The following DENND2B variants were observed in gnomAD, a reference collection of about 807,000 sequenced individuals.
DENND2B encodes the protein DENN domain containing 2B, also known as DENN domain-containing protein 2B.
DENND2B carries 32 observed loss-of-function variants against 116.0 expected under a neutral mutation model. That is an observed-to-expected ratio of 0.28 (90% CI 0.21 to 0.37). The LOEUF is 0.37. Among genes scored for constraint, DENND2B ranks in the 10% least tolerant of loss-of-function variants. DENND2B has a pLI of 1.00. For missense variants in DENND2B, 1,276 were observed against 1,477.7 expected (o/e 0.86, Z 2.24); for synonymous variants, 588 against 583.9 (o/e 1.01, Z -0.10).
chr11:8,896,131 A>C (rs1459297831), intron 1 of DENND2B, among the ~76,000 whole-genome samples: 1 of 152,120 alleles, frequency 6.6e-6, no homozygotes, highest in Non-Finnish European at 1.5e-5. Flanking sequence ...GGAGATATAA[A>C]ATTTTCTCTA....
chr11:8,817,113 G>A (rs4929918), intron 4 of DENND2B, among the ~76,000 whole-genome samples: 102,961 of 152,048 alleles, frequency 0.68, 36,868 homozygotes, highest in Admixed American at 0.8. Flanking sequence ...AAATGGCCTG[G>A]AAGAGGACTA....
intron 1 of DENND2B, among the ~76,000 whole-genome samples, chr11:8,777,552 A>G (rs938906703): frequency 2.6e-5 from 4 of 152,192 alleles, no homozygotes; most frequent in African/African-American, 9.6e-5. Context: ...AGTAAGATGG[A>G]AAAGAGAGAC....
chr11:8,746,071 T>G (rs766945558), intron 2 of DENND2B, among the ~76,000 whole-genome samples: 1 of 151,620 alleles, frequency 6.6e-6, no homozygotes, highest in African/African-American at 2.4e-5. Flanking sequence ...CATGGTTGGA[T>G]TCTAGGAAGC....
intron 1 of DENND2B, among the ~76,000 whole-genome samples, chr11:8,752,210 T>C (rs1223389411): frequency 1.3e-5 from 2 of 152,190 alleles, no homozygotes; most frequent in Admixed American, 6.5e-5. Flanking sequence ...CCCAGCACTT[T>C]GGGAGGCCAA....
chr11:8,850,435 A>G (rs533895414), intron 3 of DENND2B, among the ~76,000 whole-genome samples: 48 of 152,324 alleles, frequency 3.2e-4, no homozygotes, highest in African/African-American at 1.1e-3. Flanking sequence ...CAACAGGTAT[A>G]TGAAAAAATG....
intron 1 of DENND2B, among the ~76,000 whole-genome samples, chr11:8,894,629 C>G (rs547714427): frequency 6.6e-6 from 1 of 152,238 alleles, no homozygotes; most frequent in East Asian, 1.9e-4. Flanking sequence ...ATTTATGCAG[C>G]CAACAGACAC....
At chr11:8,700,382 G>A (rs1167833675) in intron 14 of DENND2B, among the ~76,000 whole-genome samples, 2 of 152,180 alleles carry the variant, frequency 1.3e-5, no homozygotes, top group Non-Finnish European at 2.9e-5. Context: ...ACAAGTGAGG[G>A]GCAGTTTTCC....
At chr11:8,849,518 CAGAA>C (rs1415066728) in intron 3 of DENND2B, among the ~76,000 whole-genome samples, 2 of 132,354 alleles carry the variant, frequency 1.5e-5, no homozygotes, top group East Asian at 2.3e-4. Flanking sequence ...AAAAAACAGA[CAGAA>C]AGACTGAAGA....
At chr11:8,771,343 T>C (rs753123182) in intron 1 of DENND2B, among the ~76,000 whole-genome samples, 4 of 151,990 alleles carry the variant, frequency 2.6e-5, no homozygotes, top group African/African-American at 4.8e-5. Context: ...CAGAATCATA[T>C]AGAGTATGGG....
intron 1 of DENND2B, chr11:8,776,183 C>T (rs1265579507): frequency 4.4e-6 from 2 of 451,232 alleles, no homozygotes; most frequent in Admixed American, 4.8e-5. Flanking sequence ...CACACACACA[C>T]ACACCTACCT....
At chr11:8,852,062 A>G (rs1425478480) in intron 3 of DENND2B, among the ~76,000 whole-genome samples, 1 of 152,236 alleles carries the variant, frequency 6.6e-6, no homozygotes, top group Non-Finnish European at 1.5e-5. Flanking sequence ...TGGAGAGCAG[A>G]GAAGGCCTTG....
At chr11:8,771,347 G>C (rs1402826144) in intron 1 of DENND2B, among the ~76,000 whole-genome samples, 1 of 152,098 alleles carries the variant, frequency 6.6e-6, no homozygotes, top group Non-Finnish European at 1.5e-5. Flanking sequence ...ATCATATAGA[G>C]TATGGGGTAT....
At position 8,702,940 on chromosome 11, in the gene DENND2B, G is replaced by A. The variant is rs1379408001; in HGVS notation, c.2572-220C>T. 2 of 575,964 alleles carry A rather than the reference G, an allele frequency of 3.5e-6. No individual in the cohort carries two copies. The highest frequency in any genetic ancestry group is 6.0e-6 in the Non-Finnish European group (2 of 334,994). 35.7% of individuals were successfully genotyped at this position (575,964 alleles called of 1,614,324 possible). On this transcript the variant is annotated intron_variant, in intron 13 of 19. Coordinates refer to ENST00000313726, the MANE Select transcript of DENND2B (RefSeq NM_213618.2). The surrounding 1 kb of genome is among the most constrained non-coding windows in gnomAD (Gnocchi z 4.6). ...CAGCCTGTGGGCAAGAGGGCTGCCT[G>A]TGAAAGCGGGGAAGGCTCCAGAAGG...
chr11:8,700,380 G>C (rs1196621470), intron 14 of DENND2B, among the ~76,000 whole-genome samples: 3 of 152,176 alleles, frequency 2.0e-5, no homozygotes. Context: ...GAACAAGTGA[G>C]GGGCAGTTTT....
At chr11:8,854,862 G>A (rs1442536614) in intron 3 of DENND2B, among the ~76,000 whole-genome samples, 1 of 152,078 alleles carries the variant, frequency 6.6e-6, no homozygotes, top group African/African-American at 2.4e-5. Flanking sequence ...ACAGGCCTGT[G>A]CCACCACGCC....
intron 1 of DENND2B, among the ~76,000 whole-genome samples, chr11:8,770,716 G>A (rs1415304196): frequency 6.6e-6 from 1 of 152,042 alleles, no homozygotes; most frequent in African/African-American, 2.4e-5. Flanking sequence ...TTTATGAGCA[G>A]GGTCTTGCTC....
intron 17 of DENND2B, 66 bp downstream of exon 17, chr11:8,697,459 T>TG: frequency 7.7e-7 from 1 of 1,305,564 alleles, no homozygotes; most frequent in Non-Finnish European, 1.1e-6. Flanking sequence ...TCTGGCCCTA[T>TG]GGGGCCCTGA....
At chr11:8,852,197 G>A (rs1417791854) in intron 3 of DENND2B, among the ~76,000 whole-genome samples, 2 of 152,186 alleles carry the variant, frequency 1.3e-5, no homozygotes, top group African/African-American at 2.4e-5. Flanking sequence ...CAATTTCGGC[G>A]TGGCAGAAGG....
chr11:8,778,097 T>C (rs2057941143), intron 1 of DENND2B, among the ~76,000 whole-genome samples: 1 of 152,234 alleles, frequency 6.6e-6, no homozygotes, highest in African/African-American at 2.4e-5. Flanking sequence ...TGCTGACCAT[T>C]ATACCACATG....
Sources: gnomAD v4.1 joint callset for allele counts (sites outside exome capture counted in the v4.1 genomes callset) on GRCh38, gnomAD v4.1.1 for gene constraint, Gnocchi (gnomAD v3.1) non-coding constraint, MANE v1.5 for transcripts, NCBI Gene and HGNC (gene_info 2026-07-23, HGNC 2026-07-21) for gene names.